IL10RA: variants seen among roughly 807,000 people sequenced by gnomAD.
IL10RA encodes the protein interleukin 10 receptor subunit alpha.
In IL10RA, 18 loss-of-function variants were observed where a neutral mutation model predicts 29.6. The observed-to-expected ratio is 0.61, with a 90% confidence interval of 0.42 to 0.90. The LOEUF (loss-of-function observed/expected upper bound fraction) is 0.90. IL10RA is among the 40% of genes least tolerant of loss of function. IL10RA has a pLI of 0.00. For synonymous variants in IL10RA, 292 were observed against 294.1 expected, an observed-to-expected ratio of 0.99 and a Z score of 0.07; for missense variants, 634 against 716.6, an observed-to-expected ratio of 0.88 and a Z score of 1.32.
In IL10RA at chr11:117,991,881, C is replaced by G. The variant is rs752162089; in HGVS notation, c.368-1360C>G. The stretch of plus-strand genomic sequence containing the variant: ...TCCTTAGTAGCTGGGATTACAGGCA[C>G]GTGCCACCATGCCCGGCTAATTTTT... On this transcript the variant is annotated intron_variant, in intron 3 of 6. Transcript: ENST00000227752. Among the ~76,000 whole-genome samples, 3 of 152,074 alleles carry G rather than the reference C, an allele frequency of 2.0e-5. 1 individual carries two copies. In the South Asian group the frequency reaches 6.2e-4, roughly 32 times the overall value.
chr11:117,996,162 G>T (rs1172105378), intron 6 of IL10RA, among the ~76,000 whole-genome samples: 1 of 152,186 alleles, frequency 6.6e-6, no homozygotes, highest in Non-Finnish European at 1.5e-5. Flanking sequence ...TATTAGCCAT[G>T]GGTGTTCCAC....
intron 3 of IL10RA, among the ~76,000 whole-genome samples, chr11:117,992,605 A>C: frequency 6.6e-6 from 1 of 152,244 alleles, no homozygotes; most frequent in East Asian, 1.9e-4. Flanking sequence ...CCCCTTATTC[A>C]ATGAACATTT....
intron 3 of IL10RA, among the ~76,000 whole-genome samples, chr11:117,991,659 G>A (rs2058023045): frequency 6.6e-6 from 1 of 152,062 alleles, no homozygotes; most frequent in African/African-American, 2.4e-5. Context: ...AGATCTTATG[G>A]CATTTATCTC....
At chr11:117,994,529 AG>A (rs374913439) in intron 5 of IL10RA, among the ~76,000 whole-genome samples, 4 of 152,250 alleles carry the variant, frequency 2.6e-5, no homozygotes, top group Admixed American at 6.5e-5. Context: ...AGGGATACAA[AG>A]GGCTTCTCCT....
chr11:118,001,512 G>A (rs762080842), downstream of IL10RA: 4 of 387,936 alleles, frequency 1.0e-5, no homozygotes, highest in South Asian at 1.9e-5. Flanking sequence ...ATTGCTGATG[G>A]CACATTGGCT....
intron 1 of IL10RA, 29 bp from the exon 2 acceptor site, chr11:117,988,353 A>T (rs1255904915): frequency 8.1e-6 from 13 of 1,613,542 alleles, no homozygotes; most frequent in Non-Finnish European, 1.1e-5. Flanking sequence ...CCCCCCTCCC[A>T]GCTGTGGTAC....
At chr11:117,996,418 A>G (rs1160556542) in intron 6 of IL10RA, among the ~76,000 whole-genome samples, 1 of 152,234 alleles carries the variant, frequency 6.6e-6, no homozygotes, top group East Asian at 1.9e-4. Flanking sequence ...TCAGCTTGCA[A>G]AGATTGGGCA....
rs1398208223 is a variant in IL10RA, at chr11:117,999,750, C to T, written c.*109C>T. The T allele has an allele frequency of 9.8e-7, 1 of 1,016,166 alleles. No individual in the cohort carries two copies. Among genetic ancestry groups the T allele is most frequent in the East Asian group, 2.5e-5 (1 of 39,676 alleles). The allele number at this position is 1,016,166 out of a possible 1,614,324, so 62.9% of individuals were successfully genotyped here. On this transcript the variant is annotated 3_prime_UTR_variant, in exon 7 of 7. Coordinates refer to ENST00000227752, the MANE Select transcript of IL10RA (RefSeq NM_001558.4). Reference sequence around the variant, plus strand: ...GGCACGAGGCAGTCTGGGCACTTTTCTGCAAGTCCACTGGGGCTGGCCCCA... The same window carrying T: ...GGCACGAGGCAGTCTGGGCACTTTTTTGCAAGTCCACTGGGGCTGGCCCCA...
intron 1 of IL10RA, chr11:117,987,004 G>A: frequency 4.4e-6 from 2 of 457,878 alleles, no homozygotes; most frequent in South Asian, 3.5e-5. Context: ...TGCTCCACCT[G>A]TAGCCCCCAA....
chr11:117,988,821 C>T (rs1318406901), intron 2 of IL10RA, among the ~76,000 whole-genome samples: 6 of 152,230 alleles, frequency 3.9e-5, no homozygotes, highest in East Asian at 3.9e-4. Flanking sequence ...AGTGCAGTGG[C>T]GCAATCTCAG....
chr11:117,988,440 C>T lies in IL10RA; in HGVS notation c.126C>T (p.Ile42=), dbSNP rs570833435. The T allele has an allele frequency of 6.2e-7, 1 of 1,614,156 alleles. No homozygotes were observed. Among genetic ancestry groups the T allele is most frequent in the African/African-American group, 1.3e-5 (1 of 75,046 alleles). Residue 42 remains isoleucine (I), a synonymous_variant, in exon 2 of 7, where the codon ATC becomes ATT. Coordinates refer to ENST00000227752, the MANE Select transcript of IL10RA (RefSeq NM_001558.4). ...VWFEAEFFHH[I]LHWTPIPNQS... is the part of the protein sequence containing the mutation. ...TTGAAGCAGAATTTTTCCACCACAT[C>T]CTCCACTGGACACCCATCCCAAATC...
intron 5 of IL10RA, 142 bp from the exon 6 acceptor site, chr11:117,995,447 G>A (rs564563106): frequency 5.8e-5 from 59 of 1,012,060 alleles, no homozygotes; most frequent in Non-Finnish European, 8.4e-5. Flanking sequence ...CACATCTAGA[G>A]TTGTGGCCTG....
At chr11:117,991,337 G>A (rs1481070845) in intron 3 of IL10RA, among the ~76,000 whole-genome samples, 2 of 152,066 alleles carry the variant, frequency 1.3e-5, no homozygotes, top group African/African-American at 4.8e-5. Flanking sequence ...TATACCTTGT[G>A]GAATGATCAA....
chr11:117,997,587 G>T (rs983735532), intron 6 of IL10RA, among the ~76,000 whole-genome samples: 1 of 152,222 alleles, frequency 6.6e-6, no homozygotes, highest in Non-Finnish European at 1.5e-5. Flanking sequence ...CAGTGAGTCA[G>T]TGAGTCAGTC....
Position 118,000,609 on chromosome 11 carries a change from G to A in IL10RA, c.*968G>A, listed in dbSNP as rs562515149. Reference sequence around the variant, plus strand: ...GTCCAGCTACAGACCCAGAGGATAAGCCACTGGGCACTGGGCTGGGGTCCC... The same window carrying A: ...GTCCAGCTACAGACCCAGAGGATAAACCACTGGGCACTGGGCTGGGGTCCC... On this transcript the variant is annotated 3_prime_UTR_variant, in exon 7 of 7. Coordinates refer to ENST00000227752, the MANE Select transcript of IL10RA (RefSeq NM_001558.4). 3.3e-3 allele frequency: 1,493 copies of A among 454,288 alleles called. 32 individuals are homozygous for A. The highest frequency in any genetic ancestry group is 0.022 in the South Asian group (1,447 of 64,478). The allele number at this position is 454,288 out of a possible 1,614,324, so 28.1% of individuals were successfully genotyped here.
intron 3 of IL10RA, among the ~76,000 whole-genome samples, chr11:117,992,271 A>T (rs2058028115): frequency 6.6e-6 from 1 of 152,224 alleles, no homozygotes; most frequent in Admixed American, 6.5e-5. Flanking sequence ...TTCGAGGAAC[A>T]TCCATACTGT....
intron 5 of IL10RA, 40 bp from the exon 6 acceptor site, chr11:117,995,549 C>T (rs1485740647): frequency 3.6e-5 from 58 of 1,613,282 alleles, no homozygotes; most frequent in Non-Finnish European, 4.8e-5. Flanking sequence ...CACCGTGCCC[C>T]ATGGTGACAG....
In IL10RA at chr11:118,001,142, C is replaced by T. The variant is rs984025549; in HGVS notation, c.*1501C>T. The T allele has an allele frequency of 6.6e-6, 3 of 454,136 alleles. No homozygotes were observed. Among genetic ancestry groups the T allele is most frequent in the South Asian group, 3.1e-5 (2 of 64,482 alleles). 28.1% of individuals were successfully genotyped at this position (454,136 alleles called of 1,614,324 possible). On this transcript the variant is annotated 3_prime_UTR_variant, in exon 7 of 7. Transcript: ENST00000227752. ...TAACTGAACTCCCTCTGGAGGCAGG[C>T]TTGAGGGAGGATTCCTCAGGGTTCC...
chr11:117,986,446 C>T lies in IL10RA; in HGVS notation c.-22C>T, dbSNP rs777681873. Reference sequence around the variant, plus strand: ...GCGCAGGCCGGCTCCGCTCCGGCCCCGGACGATGCGGCGCGCCCAGGATGC... The same window carrying T: ...GCGCAGGCCGGCTCCGCTCCGGCCCTGGACGATGCGGCGCGCCCAGGATGC... On this transcript the variant is annotated 5_prime_UTR_variant, in exon 1 of 7. Transcript: ENST00000227752. 3.0e-5 allele frequency: 46 copies of T among 1,549,382 alleles called. 1 individual carries two copies. The South Asian group carries it at 5.2e-4, about 18-fold the overall frequency.
Sources: allele counts gnomAD v4.1 joint callset (sites outside exome capture counted in the v4.1 genomes callset), GRCh38; gene constraint gnomAD v4.1.1; transcripts MANE v1.5; gene names NCBI Gene and HGNC (gene_info 2026-07-23, HGNC 2026-07-21).